Variants in FRMD4A observed in about 807,000 individuals in gnomAD.
The protein encoded by FRMD4A is FERM domain containing 4A.
Under a neutral mutation model 129.1 loss-of-function variants are expected in FRMD4A, and 29 were observed. The observed-to-expected ratio is 0.22, with a 90% CI of 0.17 to 0.31. FRMD4A has a LOEUF of 0.31. Among genes scored for constraint, FRMD4A ranks in the 10% least tolerant of loss-of-function variants. The pLI is 1.00. For missense variants in FRMD4A, 1,272 were observed against 1,375.8 expected, an observed-to-expected ratio of 0.92 and a Z score of 1.19; for synonymous variants, 634 against 571.6, an observed-to-expected ratio of 1.11 and a Z score of -1.56.
intron 2 of FRMD4A, among the ~76,000 whole-genome samples, chr10:14,128,979 A>G (rs751388654): frequency 7.2e-5 from 11 of 152,158 alleles, no homozygotes; most frequent in African/African-American, 2.7e-4. Context: ...TCAACTATGT[A>G]TGATGTGTTT....
chr10:13,713,304 C>T (rs1564669873), intron 12 of FRMD4A, among the ~76,000 whole-genome samples: 1 of 152,080 alleles, frequency 6.6e-6, no homozygotes, highest in Admixed American at 6.6e-5. Flanking sequence ...ATGATGGGAC[C>T]CACATCTTGT....
At chr10:14,231,886 T>G (rs185684597) in intron 2 of FRMD4A, among the ~76,000 whole-genome samples, 1 of 152,332 alleles carries the variant, frequency 6.6e-6, no homozygotes, top group East Asian at 1.9e-4. Flanking sequence ...AGGTTGTCTG[T>G]TTACTCTGTT....
At chr10:13,760,870 CTTT>C (rs34812449) in intron 8 of FRMD4A, among the ~76,000 whole-genome samples, 1 of 144,118 alleles carries the variant, frequency 6.9e-6, no homozygotes. Context: ...CTACCCTGGC[CTTT>C]TTTTTTTTTT....
At chr10:14,241,097 G>A (rs750672610) in intron 2 of FRMD4A, among the ~76,000 whole-genome samples, 3 of 152,174 alleles carry the variant, frequency 2.0e-5, no homozygotes, top group Non-Finnish European at 4.4e-5. Context: ...TCTACATAGG[G>A]TTCTGCTGGT....
intron 2 of FRMD4A, among the ~76,000 whole-genome samples, chr10:13,896,633 T>A (rs1448453610): frequency 1.3e-5 from 2 of 151,846 alleles, no homozygotes; most frequent in East Asian, 3.9e-4. Flanking sequence ...ACAGTATACC[T>A]ATGTAACAAA....
At chr10:14,299,261 A>G (rs111496811) in intron 2 of FRMD4A, among the ~76,000 whole-genome samples, 3 of 152,166 alleles carry the variant, frequency 2.0e-5, no homozygotes, top group African/African-American at 7.2e-5. Context: ...TTCCAGGTGC[A>G]TTTTAGCCAT....
At chr10:14,282,076 A>AG (rs1185534327) in intron 2 of FRMD4A, among the ~76,000 whole-genome samples, 2 of 152,208 alleles carry the variant, frequency 1.3e-5, no homozygotes, top group Admixed American at 6.5e-5. Context: ...AGAACCAAGC[A>AG]AAAGGGGTTT....
At chr10:14,125,754 C>A (rs539903416) in intron 2 of FRMD4A, among the ~76,000 whole-genome samples, 2 of 133,366 alleles carry the variant, frequency 1.5e-5, no homozygotes, top group Non-Finnish European at 3.3e-5. Context: ...CACACTCATG[C>A]GCACGCGCAC....
intron 2 of FRMD4A, among the ~76,000 whole-genome samples, chr10:14,265,004 G>A (rs187214319): frequency 3.9e-5 from 6 of 152,150 alleles, no homozygotes; most frequent in East Asian, 3.9e-4. Flanking sequence ...GGCTGGTCTC[G>A]AACTCCTGAC....
chr10:13,912,247 A>T (rs1393326101), intron 2 of FRMD4A, among the ~76,000 whole-genome samples: 3 of 152,174 alleles, frequency 2.0e-5, no homozygotes, highest in African/African-American at 7.2e-5. Context: ...GGACAACAGC[A>T]GGGATCAGGG....
intron 2 of FRMD4A, among the ~76,000 whole-genome samples, chr10:13,919,873 G>A (rs1173862465): frequency 1.3e-5 from 2 of 152,142 alleles, no homozygotes; most frequent in South Asian, 2.1e-4. Flanking sequence ...AAGAGGCAGA[G>A]GTTGCAGTGA....
chr10:13,784,317 C>A (rs573927270), intron 5 of FRMD4A, among the ~76,000 whole-genome samples: 5 of 152,068 alleles, frequency 3.3e-5, no homozygotes, highest in Admixed American at 1.3e-4. Context: ...TTCTTCAGAC[C>A]GTAAAAGAAG....
rs372420987 is a variant in FRMD4A, at chr10:14,110,125, T to TTAAAAAAAAAAAAAAAAA, written c.45+219932_45+219933insTTTTTTTTTTTTTTTTTA. ...GGCTGGGCAACAAAGCGAGATGCTG[T>TTAAAAAAAAAAAAAAAAA]AAAAAAAAAAAAAAAAAAAAAAGCT... On this transcript the variant is annotated intron_variant, in intron 2 of 24. Transcript: ENST00000357447. 3.1e-3 allele frequency among the ~76,000 whole-genome samples: 275 copies of TTAAAAAAAAAAAAAAAAA among 89,520 alleles called. 61 individuals carry two copies. Among genetic ancestry groups the TTAAAAAAAAAAAAAAAAA allele is most frequent in the African/African-American group, 0.012 (249 of 21,494 alleles). The allele number at this position is 89,520 out of a possible 152,430, so 58.7% of individuals were successfully genotyped here.
intron 4 of FRMD4A, among the ~76,000 whole-genome samples, chr10:13,797,466 G>A (rs549573726): frequency 1.3e-5 from 2 of 152,260 alleles, no homozygotes; most frequent in Admixed American, 6.5e-5. Context: ...AAGGCCCCGG[G>A]GTGAGGGAGG....
chr10:14,327,905 T>C (rs1245943565), intron 2 of FRMD4A, among the ~76,000 whole-genome samples: 1 of 152,190 alleles, frequency 6.6e-6, no homozygotes, highest in Non-Finnish European at 1.5e-5. Flanking sequence ...ACAGCTTCCT[T>C]CCTGAACTCA....
chr10:14,232,722 CTTGGATGTTA>C (rs1843678251), intron 2 of FRMD4A, among the ~76,000 whole-genome samples: 2 of 152,132 alleles, frequency 1.3e-5, no homozygotes, highest in Non-Finnish European at 2.9e-5. Flanking sequence ...TGGCTCTGAG[CTTGGATGTTA>C]TTGGTGTATA....
chr10:13,740,261 C>A lies in FRMD4A; in HGVS notation c.615-10G>T, dbSNP rs771611331. 1.3e-6 allele frequency: 2 copies of A among 1,594,348 alleles called. No homozygotes were observed. The highest frequency in any genetic ancestry group is 3.3e-5 in the Admixed American group (2 of 59,974). On this transcript the variant is annotated splice_polypyrimidine_tract_variant and intron_variant, in intron 10 of 24. Transcript: ENST00000357447. ...CACGATGCTCATGTAGCTGGAATGA[C>A]AACACGAAGATACACAAACACACAC...
chr10:14,250,413 G>T (rs1408078161), intron 2 of FRMD4A, among the ~76,000 whole-genome samples: 2 of 152,170 alleles, frequency 1.3e-5, no homozygotes, highest in Admixed American at 1.3e-4. Flanking sequence ...ATAAGCTGTT[G>T]CCTCCTCTAC....
chr10:13,975,425 G>A (rs941499313), intron 2 of FRMD4A, among the ~76,000 whole-genome samples: 1 of 151,930 alleles, frequency 6.6e-6, no homozygotes, highest in African/African-American at 2.4e-5. Context: ...ATGTGTCTGT[G>A]CGTATGTGTG....
Sources: allele counts gnomAD v4.1 joint callset (sites outside exome capture counted in the v4.1 genomes callset), GRCh38; gene constraint gnomAD v4.1.1; transcripts MANE v1.5; gene names NCBI Gene and HGNC (gene_info 2026-07-23, HGNC 2026-07-21).